Variants in NPAS2 observed in about 807,000 individuals in gnomAD.
The protein encoded by NPAS2 is neuronal PAS domain protein 2.
In NPAS2, 23 loss-of-function variants were observed where a neutral mutation model predicts 107.5. That is an observed-to-expected ratio of 0.21 (90% CI 0.15 to 0.30). NPAS2 has a LOEUF of 0.30. NPAS2 is among the 10% of genes least tolerant of loss of function. NPAS2 has a pLI of 1.00. For missense variants in NPAS2, 756 were observed against 1,043.3 expected (o/e 0.72, Z 3.79); for synonymous variants, 403 against 417.5 (o/e 0.97, Z 0.42).
chr2:100,952,129 G>A (rs1675262020), intron 7 of NPAS2, among the ~76,000 whole-genome samples: 1 of 148,668 alleles, frequency 6.7e-6, no homozygotes, highest in South Asian at 2.2e-4. Context: ...TCCAGCCTGG[G>A]CGACAGAGCA....
chr2:100,829,344 G>A (rs566453624), intron 1 of NPAS2, among the ~76,000 whole-genome samples: 13 of 152,046 alleles, frequency 8.6e-5, no homozygotes, highest in Non-Finnish European at 1.8e-4. Context: ...GTAGAGATGA[G>A]GTTTTGCCAT....
upstream of NPAS2, among the ~76,000 whole-genome samples, chr2:100,819,378 G>A (rs1374660331): frequency 1.3e-5 from 2 of 152,102 alleles, no homozygotes; most frequent in Non-Finnish European, 1.5e-5. The surrounding 1 kb of genome is among the most constrained non-coding windows in gnomAD (Gnocchi z 5.8). Context: ...GACCAGCTAC[G>A]TTCGCCTTAG....
At chr2:100,935,185 C>T (rs1006790933) in intron 4 of NPAS2, 1 of 723,326 alleles carries the variant, frequency 1.4e-6, no homozygotes, top group African/African-American at 1.9e-5. Context: ...CAGTTGCACT[C>T]AAAAGGAGCC....
At chr2:100,857,635 G>A (rs570899980) in intron 1 of NPAS2, among the ~76,000 whole-genome samples, 1 of 152,238 alleles carries the variant, frequency 6.6e-6, no homozygotes, top group African/African-American at 2.4e-5. Flanking sequence ...CTGCCTCCAA[G>A]AGTGGGAGCC....
chr2:100,987,972 C>G, intron 16 of NPAS2, 107 bp from the exon 17 acceptor site: 1 of 1,176,590 alleles, frequency 8.5e-7, no homozygotes, highest in Non-Finnish European at 1.2e-6. Flanking sequence ...TATTTCTAGG[C>G]AGCTCAGAGC....
chr2:100,979,309 C>A (rs1380633896), intron 15 of NPAS2, among the ~76,000 whole-genome samples: 2 of 151,646 alleles, frequency 1.3e-5, no homozygotes, highest in African/African-American at 2.4e-5. Context: ...AAATTAGTAA[C>A]CTTTTAATCC....
At chr2:100,971,165 C>T (rs1676524603) in intron 12 of NPAS2, 91 bp downstream of exon 12, 1 of 1,232,464 alleles carries the variant, frequency 8.1e-7, no homozygotes, top group Non-Finnish European at 1.2e-6. Flanking sequence ...TTCTTTTCAT[C>T]AATGGAAGGG....
intron 3 of NPAS2, among the ~76,000 whole-genome samples, chr2:100,926,713 G>A (rs774090812): frequency 7.9e-5 from 12 of 152,044 alleles, no homozygotes; most frequent in East Asian, 5.8e-4. Flanking sequence ...TATAGAATTC[G>A]AAAATATCTT....
intron 3 of NPAS2, among the ~76,000 whole-genome samples, chr2:100,925,526 A>AG (rs1683505171): frequency 1.3e-5 from 2 of 152,182 alleles, no homozygotes; most frequent in Non-Finnish European, 2.9e-5. Context: ...AGAATCCAAA[A>AG]CAACCTCACA....
intron 1 of NPAS2, among the ~76,000 whole-genome samples, chr2:100,884,487 C>T (rs1230411996): frequency 2.0e-5 from 3 of 152,216 alleles, no homozygotes; most frequent in Non-Finnish European, 4.4e-5. Flanking sequence ...GAATAAGTAT[C>T]CCTTGTCTTA....
At chr2:100,895,497 T>C (rs1369481) in intron 1 of NPAS2, among the ~76,000 whole-genome samples, 117,304 of 152,182 alleles carry the variant, frequency 0.77, 45,794 homozygotes, top group African/African-American at 0.9. Context: ...CCTTTCTCCC[T>C]TTCACAGATG....
At position 100,964,073 on chromosome 2, in the gene NPAS2, G is replaced by A; in HGVS notation, c.614G>A (p.Cys205Tyr). The change falls in exon 8 of 21, where the codon TGT (cysteine) becomes TAT (tyrosine). Residue 205 changes from cysteine (C) to tyrosine (Y), a missense_variant. Physicochemically the swap from Cys to Tyr is radical, Grantham distance 194. This residue lies in a region of NPAS2 where 30 missense variants were observed against 23.8 expected (regional missense o/e 1.26). Transcript: ENST00000335681. ...AACCCCCCAGTGCCTAGCCCCTCCT[G>A]TAATGGTTTTGACAACACCCTTTCA... ...RSYNNVPSPS[C>Y]NGFDNTLSRP... 1 of 1,613,554 alleles carries A rather than the reference G, an allele frequency of 6.2e-7. No homozygotes were observed. The highest frequency in any genetic ancestry group is 2.2e-5 in the East Asian group (1 of 44,872).
intron 12 of NPAS2, among the ~76,000 whole-genome samples, chr2:100,973,029 A>T (rs1397513533): frequency 6.6e-6 from 1 of 152,128 alleles, no homozygotes; most frequent in Non-Finnish European, 1.5e-5. Flanking sequence ...AAATACAAAA[A>T]TTAGCCGGGC....
chr2:100,895,445 G>A (rs1470853777), intron 1 of NPAS2, among the ~76,000 whole-genome samples: 1 of 152,144 alleles, frequency 6.6e-6, no homozygotes, highest in Non-Finnish European at 1.5e-5. Context: ...GCAAAGCCTG[G>A]GTCGGTCTCA....
chr2:100,882,335 C>T (rs940102719), intron 1 of NPAS2, among the ~76,000 whole-genome samples: 4 of 152,284 alleles, frequency 2.6e-5, no homozygotes, highest in Admixed American at 6.5e-5. Context: ...AACAGCCGGG[C>T]GCAGTGGCTC....
intron 1 of NPAS2, among the ~76,000 whole-genome samples, chr2:100,850,011 T>TAAAAAAAAA (rs58359292): frequency 1.6e-4 from 9 of 56,212 alleles, no homozygotes; most frequent in African/African-American, 7.0e-4. Flanking sequence ...ACTCTTTTTG[T>TAAAAAAAAA]AAAAAAAAAA....
chr2:100,914,629 AC>A (rs2104830891), intron 2 of NPAS2, among the ~76,000 whole-genome samples: 1 of 152,208 alleles, frequency 6.6e-6, no homozygotes, highest in African/African-American at 2.4e-5. Context: ...CTCACCCCAT[AC>A]GCTTTTCTGC....
Position 100,995,416 on chromosome 2 carries a change from C to G in NPAS2, c.2309C>G (p.Ser770Cys). 6.2e-7 allele frequency: 1 copy of G among 1,613,572 alleles called. No individual in the cohort carries two copies. The highest frequency in any genetic ancestry group is 8.5e-7 in the Non-Finnish European group (1 of 1,179,716). ...TTTTTCTAGGTACAGGCACCAACCT[C>G]TTTGCACAGTGAGCAGCAGGACTCG... ...QHYLQVQAPT[S>C]LHSEQQDSLL... The change falls in exon 21 of 21, where the codon TCT (serine) becomes TGT (cysteine). Residue 770 changes from serine to cysteine, a missense_variant. By Grantham distance (112) the Ser-to-Cys change is moderately radical (BLOSUM62 -1). Around this residue, in one of 4 missense-constraint regions of NPAS2, gnomAD observed 496 missense variants for 594.4 expected, o/e 0.83. Transcript: ENST00000335681.
intron 1 of NPAS2, among the ~76,000 whole-genome samples, chr2:100,863,801 A>G (rs1679083641): frequency 6.6e-6 from 1 of 152,118 alleles, no homozygotes; most frequent in South Asian, 2.1e-4. Context: ...TAATGTATAT[A>G]TGTATATAAT....
Sources: gnomAD v4.1 joint callset for allele counts (sites outside exome capture counted in the v4.1 genomes callset) on GRCh38, gnomAD v4.1.1 for gene constraint, gnomAD v4.1.1 regional missense constraint, Gnocchi (gnomAD v3.1) non-coding constraint, MANE v1.5 for transcripts, NCBI Gene and HGNC (gene_info 2026-07-23, HGNC 2026-07-21) for gene names.